The following GRID2 variants were observed in gnomAD, a reference collection of about 807,000 sequenced individuals.
GRID2 encodes glutamate receptor ionotropic, delta-2.
GRID2 carries 33 observed loss-of-function variants against 114.8 expected under a neutral mutation model. The observed-to-expected ratio is 0.29, with a 90% CI of 0.22 to 0.38. The LOEUF (loss-of-function observed/expected upper bound fraction) is 0.38, where lower values mean the gene tolerates loss of function less well. GRID2 is among the 10% of genes least tolerant of loss of function. The pLI is 1.00. For synonymous variants in GRID2, 505 were observed against 449.9 expected, an observed-to-expected ratio of 1.12 and a Z score of -1.55; for missense variants, 1,184 against 1,257.7, an observed-to-expected ratio of 0.94 and a Z score of 0.89.
Position 93,692,270 on chromosome 4 carries a change from T to C in GRID2, c.2360+65835T>C, listed in dbSNP as rs190223619. On this transcript the variant is annotated intron_variant, in intron 14 of 15. Transcript: ENST00000282020. Reference sequence around the variant, plus strand: ...CCTTACTGATATGCCATTTGAATAATAACCTGAAGAAAGTGAGGAAGCCAG... The same window carrying C: ...CCTTACTGATATGCCATTTGAATAACAACCTGAAGAAAGTGAGGAAGCCAG... Among the ~76,000 whole-genome samples the C allele has an allele frequency of 3.4e-4, 52 of 152,116 alleles. 1 individual carries two copies. Among genetic ancestry groups the C allele is most frequent in the Middle Eastern group, 3.4e-3 (1 of 294 alleles).
At chr4:93,545,443 G>A (rs1335100808) in intron 13 of GRID2, among the ~76,000 whole-genome samples, 2 of 152,166 alleles carry the variant, frequency 1.3e-5, no homozygotes, top group Non-Finnish European at 2.9e-5. Context: ...TATGCTAGGG[G>A]CAGGAAGAGG....
At chr4:93,485,611 A>C (rs1240587085) in intron 11 of GRID2, among the ~76,000 whole-genome samples, 1 of 151,772 alleles carries the variant, frequency 6.6e-6, no homozygotes. Flanking sequence ...TAATTAACCT[A>C]GAACTACTTA....
At chr4:93,703,302 C>G (rs1006099083) in intron 14 of GRID2, among the ~76,000 whole-genome samples, 3 of 151,862 alleles carry the variant, frequency 2.0e-5, no homozygotes, top group African/African-American at 7.3e-5. Flanking sequence ...TTATAAGGTA[C>G]GTGAGATGTT....
At chr4:93,234,026 C>G (rs147612826) in intron 7 of GRID2, among the ~76,000 whole-genome samples, 284 of 152,094 alleles carry the variant, frequency 1.9e-3, no homozygotes, top group Non-Finnish European at 3.2e-3. Context: ...GTTTAAAGCA[C>G]TATGTATCAT....
chr4:92,387,852 C>T (rs1730046795), intron 1 of GRID2, among the ~76,000 whole-genome samples: 1 of 151,974 alleles, frequency 6.6e-6, no homozygotes, highest in African/African-American at 2.4e-5. Context: ...AGCATTCTTC[C>T]ATTGCCAGCC....
At chr4:93,266,130 T>C (rs1209520898) in intron 8 of GRID2, among the ~76,000 whole-genome samples, 1 of 152,096 alleles carries the variant, frequency 6.6e-6, no homozygotes, top group Non-Finnish European at 1.5e-5. Context: ...ATCTTTGGGA[T>C]GTGGAAGGAA....
rs1735706111 is a variant in GRID2 at position 93,140,822 on chromosome 4, A to G, written c.735+29869A>G. On this transcript the variant is annotated intron_variant, in intron 4 of 15. Transcript: ENST00000282020. ...ATTATGCTCTAGGTTCCCAGAATAC[A>G]TAAAACTTAATGGCTAGACATGTTA... Among the ~76,000 whole-genome samples, 2 of 152,244 alleles carry G rather than the reference A, an allele frequency of 1.3e-5. 1 individual carries two copies. The highest frequency in any genetic ancestry group is 4.1e-4 in the South Asian group (2 of 4,832).
At chr4:93,101,400 C>A (rs1731691570) in intron 3 of GRID2, among the ~76,000 whole-genome samples, 2 of 151,968 alleles carry the variant, frequency 1.3e-5, no homozygotes, top group African/African-American at 4.8e-5. Flanking sequence ...CATTAATAAA[C>A]CTCTTTCCAT....
At chr4:93,306,109 A>G (rs1755395378) in intron 8 of GRID2, 1 of 152,040 alleles carries the variant, frequency 6.6e-6, no homozygotes, top group Non-Finnish European at 1.5e-5. Context: ...TCTTTTTCTT[A>G]GTTTGCCAAA....
intron 2 of GRID2, among the ~76,000 whole-genome samples, chr4:92,671,703 A>G (rs574780749): frequency 1.3e-5 from 2 of 152,254 alleles, no homozygotes; most frequent in East Asian, 3.9e-4. Flanking sequence ...GCAAATGTAC[A>G]ATGTACTGGA....
At chr4:93,517,927 ATATATGTATGTATATACATACATG>A (rs1267643391) in intron 13 of GRID2, among the ~76,000 whole-genome samples, 4,314 of 102,380 alleles carry the variant, frequency 0.042, 297 homozygotes, top group African/African-American at 0.089. Context: ...TGTATATACT[ATATATGTATGTATATACATACATG>A]TATATGTATG....
chr4:92,584,298 A>T (rs1289298749), intron 1 of GRID2, among the ~76,000 whole-genome samples: 1 of 152,020 alleles, frequency 6.6e-6, no homozygotes, highest in Non-Finnish European at 1.5e-5. Flanking sequence ...TTGTAGATGA[A>T]AAAAATGTTA....
At chr4:92,406,574 A>T (rs1436669060) in intron 1 of GRID2, among the ~76,000 whole-genome samples, 1 of 151,986 alleles carries the variant, frequency 6.6e-6, no homozygotes, top group African/African-American at 2.4e-5. Flanking sequence ...TTATAGATTA[A>T]GAGATATACA....
chr4:92,718,761 C>CA (rs3077559), intron 2 of GRID2, among the ~76,000 whole-genome samples: 7,944 of 40,430 alleles, frequency 0.2, 714 homozygotes, highest in Middle Eastern at 0.3. Context: ...AGACCCTGTC[C>CA]AAAAAAAAAA....
intron 2 of GRID2, among the ~76,000 whole-genome samples, chr4:92,664,206 T>C (rs1220271284): frequency 6.6e-6 from 1 of 151,258 alleles, no homozygotes; most frequent in East Asian, 1.9e-4. Flanking sequence ...TTCCTTTTGA[T>C]TATTTTAAAA....
intron 11 of GRID2, among the ~76,000 whole-genome samples, chr4:93,486,269 C>T (rs1411441917): frequency 6.6e-6 from 1 of 151,436 alleles, no homozygotes; most frequent in Non-Finnish European, 1.5e-5. Flanking sequence ...CTTAGATTTT[C>T]TACATACATA....
chr4:93,240,577 C>A (rs1211113171), intron 8 of GRID2, among the ~76,000 whole-genome samples: 1 of 150,588 alleles, frequency 6.6e-6, no homozygotes, highest in Non-Finnish European at 1.5e-5. Flanking sequence ...TATTTCAATG[C>A]CATTTATAGT....
At chr4:93,283,973 T>A (rs1025952000) in intron 8 of GRID2, among the ~76,000 whole-genome samples, 2 of 152,116 alleles carry the variant, frequency 1.3e-5, no homozygotes, top group African/African-American at 4.8e-5. Context: ...ACTATGTAGT[T>A]CCAAGTGTTA....
intron 1 of GRID2, among the ~76,000 whole-genome samples, chr4:92,457,363 CT>C (rs1457806441): frequency 2.6e-5 from 4 of 152,058 alleles, no homozygotes; most frequent in African/African-American, 9.7e-5. Flanking sequence ...TTGTAAGGAA[CT>C]TGAAGGCAAA....
Sources: allele counts gnomAD v4.1 joint callset (sites outside exome capture counted in the v4.1 genomes callset), GRCh38; gene constraint gnomAD v4.1.1; transcripts MANE v1.5; gene names NCBI Gene and HGNC (gene_info 2026-07-23, HGNC 2026-07-21).